TMEM135: variants seen among roughly 807,000 people sequenced by gnomAD.
TMEM135 encodes peroxisomal membrane protein 52.
In TMEM135, 30 loss-of-function variants were observed where a neutral mutation model predicts 60.3. That is an observed-to-expected ratio of 0.50 (90% CI 0.37 to 0.68). TMEM135 has a LOEUF of 0.68. Among genes scored for constraint, TMEM135 ranks in the 30% least tolerant of loss-of-function variants. The pLI, the probability that TMEM135 is intolerant of heterozygous loss-of-function variation, is 0.00. For missense variants in TMEM135, 468 were observed against 548.8 expected, an observed-to-expected ratio of 0.85 and a Z score of 1.47; for synonymous variants, 190 against 186.7, an observed-to-expected ratio of 1.02 and a Z score of -0.14.
At chr11:87,147,981 C>T (rs1938460563) in intron 4 of TMEM135, among the ~76,000 whole-genome samples, 1 of 152,178 alleles carries the variant, frequency 6.6e-6, no homozygotes, top group African/African-American at 2.4e-5. Context: ...TGCTCTTGAA[C>T]TCCTGACCTT....
intron 3 of TMEM135, among the ~76,000 whole-genome samples, chr11:87,079,756 C>G (rs1856946660): frequency 6.6e-6 from 1 of 151,460 alleles, no homozygotes; most frequent in Non-Finnish European, 1.5e-5. Flanking sequence ...GAACCTTTAT[C>G]ATGAATGGAT....
At chr11:87,258,500 A>G (rs769203993) in intron 6 of TMEM135, among the ~76,000 whole-genome samples, 2 of 152,194 alleles carry the variant, frequency 1.3e-5, no homozygotes, top group Admixed American at 1.3e-4. Flanking sequence ...GCAGTCATTA[A>G]TGGTCAGGGG....
intron 5 of TMEM135, among the ~76,000 whole-genome samples, chr11:87,211,090 T>C (rs545812309): frequency 2.7e-4 from 41 of 152,270 alleles, no homozygotes; most frequent in African/African-American, 9.6e-4. Context: ...TGGAGCAAGA[T>C]AGGGATACCT....
intron 6 of TMEM135, among the ~76,000 whole-genome samples, chr11:87,254,695 A>G (rs1339062694): frequency 6.6e-6 from 1 of 152,204 alleles, no homozygotes; most frequent in Non-Finnish European, 1.5e-5. Context: ...ATTGATGTCC[A>G]GCATGTTAGC....
intron 5 of TMEM135, among the ~76,000 whole-genome samples, chr11:87,159,761 G>GT (rs2135271675): frequency 6.6e-6 from 1 of 152,236 alleles, no homozygotes; most frequent in South Asian, 2.1e-4. Flanking sequence ...TGTGGAAATA[G>GT]TTTAAGTTGA....
intron 4 of TMEM135, 76 bp from the exon 5 acceptor site, chr11:87,157,265 T>G: frequency 1.5e-6 from 2 of 1,332,274 alleles, no homozygotes; most frequent in Non-Finnish European, 2.1e-6. Context: ...GTTTTTCACA[T>G]TTAGGGTGTG....
At chr11:87,121,792 A>G (rs1306133470) in intron 4 of TMEM135, among the ~76,000 whole-genome samples, 2 of 151,978 alleles carry the variant, frequency 1.3e-5, no homozygotes, top group Non-Finnish European at 2.9e-5. Context: ...GGTACACGCC[A>G]CCAAGCCTGA....
chr11:87,069,328 A>G (rs1305421811), intron 2 of TMEM135, among the ~76,000 whole-genome samples: 1 of 148,064 alleles, frequency 6.8e-6, no homozygotes, highest in Non-Finnish European at 1.5e-5. Flanking sequence ...AGTTTCTATG[A>G]TTAGGTTTTT....
chr11:87,130,416 C>T (rs79707616), intron 4 of TMEM135, among the ~76,000 whole-genome samples: 15,601 of 152,126 alleles, frequency 0.1, 830 homozygotes, highest in African/African-American at 0.12. Context: ...GGACATACCT[C>T]TTTGAAAGTA....
chr11:87,295,154 A>G (rs1942327866), intron 6 of TMEM135, among the ~76,000 whole-genome samples: 1 of 152,206 alleles, frequency 6.6e-6, no homozygotes, highest in African/African-American at 2.4e-5. Context: ...ACACATATAA[A>G]GAGCTGAAAA....
intron 5 of TMEM135, among the ~76,000 whole-genome samples, chr11:87,187,457 A>T (rs1305553029): frequency 1.1e-4 from 17 of 152,216 alleles, no homozygotes; most frequent in Admixed American, 1.1e-3. Flanking sequence ...AATAGATCCT[A>T]TTGAACTCGA....
At chr11:87,126,472 A>G (rs923477036) in intron 4 of TMEM135, among the ~76,000 whole-genome samples, 2 of 151,924 alleles carry the variant, frequency 1.3e-5, no homozygotes, top group Admixed American at 6.6e-5. Context: ...AATTGAAACA[A>G]TTACATTAAC....
intron 6 of TMEM135, among the ~76,000 whole-genome samples, chr11:87,239,347 T>C (rs1294118520): frequency 6.6e-6 from 1 of 152,082 alleles, no homozygotes; most frequent in African/African-American, 2.4e-5. Flanking sequence ...TGGTAAATGG[T>C]AAAATCAAAC....
intron 5 of TMEM135, among the ~76,000 whole-genome samples, chr11:87,204,558 G>C (rs1377085037): frequency 6.6e-6 from 1 of 152,062 alleles, no homozygotes; most frequent in African/African-American, 2.4e-5. Flanking sequence ...GTCAATTAAT[G>C]CATTTTGTGT....
chr11:87,045,276 C>G (rs1330592902), intron 1 of TMEM135, among the ~76,000 whole-genome samples: 3 of 152,020 alleles, frequency 2.0e-5, no homozygotes, highest in Non-Finnish European at 4.4e-5. Context: ...GTGATCCGCC[C>G]GCCTCGGCCT....
chr11:87,241,268 A>G (rs1009318071), intron 6 of TMEM135, among the ~76,000 whole-genome samples: 1 of 152,046 alleles, frequency 6.6e-6, no homozygotes, highest in Non-Finnish European at 1.5e-5. Context: ...CATATAAAAA[A>G]CTTTTGATCT....
intron 6 of TMEM135, among the ~76,000 whole-genome samples, chr11:87,250,184 G>A (rs915666820): frequency 5.9e-5 from 9 of 152,054 alleles, no homozygotes; most frequent in African/African-American, 2.2e-4. Context: ...CATCTCTGAT[G>A]TATTTGTGCA....
At chr11:87,222,688 C>G (rs1457374195) in intron 5 of TMEM135, among the ~76,000 whole-genome samples, 1 of 132,922 alleles carries the variant, frequency 7.5e-6, no homozygotes, top group Admixed American at 7.5e-5. Context: ...CCTCTAGTCC[C>G]AGCTACTCGG....
intron 6 of TMEM135, among the ~76,000 whole-genome samples, chr11:87,276,280 C>T (rs1247385694): frequency 6.6e-6 from 1 of 152,010 alleles, no homozygotes; most frequent in African/African-American, 2.4e-5. Flanking sequence ...CTTTAGTTTT[C>T]ATAACAGTCT....
Sources: gnomAD v4.1 joint callset for allele counts (sites outside exome capture counted in the v4.1 genomes callset) on GRCh38, gnomAD v4.1.1 for gene constraint, MANE v1.5 for transcripts, NCBI Gene and HGNC (gene_info 2026-07-23, HGNC 2026-07-21) for gene names.